EYS: variants seen among roughly 807,000 people sequenced by gnomAD.
The protein encoded by EYS is protein eyes shut homolog.
A neutral mutation model predicts 282.1 loss-of-function variants in EYS; 250 were observed. The observed-to-expected ratio is 0.89, with a 90% CI of 0.80 to 0.98. The LOEUF is 0.98. Among genes scored for constraint, EYS ranks in the 50% least tolerant of loss-of-function variants. EYS has a pLI of 0.00. For synonymous variants in EYS, 1,355 were observed against 1,282.9 expected (o/e 1.06, Z -1.20); for missense variants, 4,016 against 3,709.0 (o/e 1.08, Z -2.15).
At chr6:65,516,018 G>C (rs1767119207) in intron 2 of EYS, among the ~76,000 whole-genome samples, 1 of 150,808 alleles carries the variant, frequency 6.6e-6, no homozygotes, top group African/African-American at 2.4e-5. Flanking sequence ...ACATCCCCTA[G>C]GCACATATTA....
At chr6:65,026,644 A>G (rs1772417083) in intron 13 of EYS, among the ~76,000 whole-genome samples, 1 of 152,158 alleles carries the variant, frequency 6.6e-6, no homozygotes, top group South Asian at 2.1e-4. Flanking sequence ...TTGGCCGGGC[A>G]TGGTGGCTCT....
intron 10 of EYS, among the ~76,000 whole-genome samples, chr6:65,335,620 A>T (rs1215429242): frequency 2.0e-5 from 3 of 151,680 alleles, no homozygotes; most frequent in African/African-American, 7.3e-5. Context: ...TGCTTCAAAG[A>T]GAACATGGGA....
At chr6:64,891,152 A>C (rs1767279620) in intron 18 of EYS, among the ~76,000 whole-genome samples, 1 of 149,404 alleles carries the variant, frequency 6.7e-6, no homozygotes, top group African/African-American at 2.5e-5. Flanking sequence ...GGCATCTAAA[A>C]TTTCATAGAG....
intron 33 of EYS, among the ~76,000 whole-genome samples, chr6:64,027,494 T>C (rs1769583213): frequency 1.3e-5 from 2 of 152,082 alleles, no homozygotes; most frequent in Admixed American, 6.6e-5. Flanking sequence ...GCAACCTCGG[T>C]GTTCTATAAT....
intron 26 of EYS, among the ~76,000 whole-genome samples, chr6:64,579,565 G>C (rs562926004): frequency 6.6e-6 from 1 of 152,050 alleles, no homozygotes; most frequent in African/African-American, 2.4e-5. Flanking sequence ...GATGCCCACT[G>C]AGTATCTGTG....
At chr6:65,285,619 A>G (rs1220940038) in intron 12 of EYS, among the ~76,000 whole-genome samples, 1 of 152,018 alleles carries the variant, frequency 6.6e-6, no homozygotes, top group Non-Finnish European at 1.5e-5. Flanking sequence ...GGCTGTTTAT[A>G]TAATGTAGCT....
At chr6:65,642,465 C>T (rs1218451937) in intron 1 of EYS, among the ~76,000 whole-genome samples, 2 of 152,026 alleles carry the variant, frequency 1.3e-5, no homozygotes, top group Non-Finnish European at 2.9e-5. Flanking sequence ...AATTTGAATA[C>T]GTTAGATTAC....
chr6:65,441,520 A>C (rs1768327671), intron 5 of EYS, among the ~76,000 whole-genome samples: 2 of 152,066 alleles, frequency 1.3e-5, no homozygotes, highest in South Asian at 4.1e-4. Context: ...CTAAACAGTT[A>C]GGTCTTTCAG....
chr6:64,654,492 G>A (rs2149881090), intron 22 of EYS, among the ~76,000 whole-genome samples: 1 of 152,290 alleles, frequency 6.6e-6, no homozygotes, highest in East Asian at 1.9e-4. Context: ...GTGAGAAAAT[G>A]CCCTCTGAGG....
intron 12 of EYS, among the ~76,000 whole-genome samples, chr6:65,093,723 C>T (rs1401023787): frequency 6.6e-6 from 1 of 151,374 alleles, no homozygotes; most frequent in Admixed American, 6.6e-5. Context: ...GGACAAAATA[C>T]CTATAAAATA....
rs1769481765 is a variant in EYS, at chr6:64,672,057, T to C, written c.3444-45812A>G. Among the ~76,000 whole-genome samples the C allele has an allele frequency of 3.9e-5, 6 of 152,234 alleles. No individual in the cohort carries two copies. In the South Asian group the frequency reaches 1.2e-3, roughly 32 times the overall value. On this transcript the variant is annotated intron_variant, in intron 22 of 42. Transcript: ENST00000503581. ...GCATTTTATTACTGAATTATTCTGGTTTTAGATCATACCTAGATACCTTTA... is the reference window on the plus strand; with the variant it reads ...GCATTTTATTACTGAATTATTCTGGCTTTAGATCATACCTAGATACCTTTA...
chr6:65,310,404 G>T (rs1390762947), intron 11 of EYS, among the ~76,000 whole-genome samples: 3 of 151,958 alleles, frequency 2.0e-5, no homozygotes. Context: ...GTGGTGACCA[G>T]CTTCCAAGAT....
intron 13 of EYS, among the ~76,000 whole-genome samples, chr6:65,053,087 C>G (rs1773320103): frequency 6.6e-6 from 1 of 151,740 alleles, no homozygotes; most frequent in Admixed American, 6.6e-5. Flanking sequence ...GAAGTAATTA[C>G]ACCAAGATTT....
intron 26 of EYS, among the ~76,000 whole-genome samples, chr6:64,498,963 T>C (rs1206516967): frequency 6.6e-6 from 1 of 152,206 alleles, no homozygotes; most frequent in East Asian, 1.9e-4. Flanking sequence ...TTATAATCCT[T>C]TGGGTATATA....
At chr6:65,036,392 A>G (rs1772773059) in intron 13 of EYS, among the ~76,000 whole-genome samples, 1 of 152,010 alleles carries the variant, frequency 6.6e-6, no homozygotes, top group African/African-American at 2.4e-5. Flanking sequence ...AAAAAAAACT[A>G]GGAAATACCA....
intron 5 of EYS, among the ~76,000 whole-genome samples, chr6:65,409,253 C>T (rs938271607): frequency 2.0e-5 from 3 of 152,120 alleles, no homozygotes; most frequent in African/African-American, 7.2e-5. Context: ...TAGTCCCCAC[C>T]CTACTAAGAT....
intron 5 of EYS, among the ~76,000 whole-genome samples, chr6:65,453,416 A>T (rs756555219): frequency 2.0e-5 from 3 of 152,028 alleles, no homozygotes; most frequent in Admixed American, 6.6e-5. Flanking sequence ...GTAATTGTAC[A>T]TATTTATGAG....
At position 63,866,249 on chromosome 6, in the gene EYS, G is replaced by A. The variant is rs184705940; in HGVS notation, c.7056-1891C>T. Among the ~76,000 whole-genome samples, 60 of 152,212 alleles carry A rather than the reference G, an allele frequency of 3.9e-4. 1 individual carries two copies. The highest frequency in any genetic ancestry group is 1.3e-4 in the Non-Finnish European group (9 of 68,022). ...ATTTCTGGTGTGACCTAAAGTATAC[G>A]TTAGAAACTTAATGTTGTTTGGGGG... On this transcript the variant is annotated intron_variant, in intron 35 of 42. Coordinates refer to ENST00000503581, the MANE Select transcript of EYS (RefSeq NM_001142800.2).
chr6:64,426,832 C>A (rs1225212051), intron 28 of EYS, among the ~76,000 whole-genome samples: 1 of 152,124 alleles, frequency 6.6e-6, no homozygotes, highest in African/African-American at 2.4e-5. Context: ...TGGAAGTCTC[C>A]AGCTATGCTG....
Sources: gnomAD v4.1 joint callset for allele counts (sites outside exome capture counted in the v4.1 genomes callset) on GRCh38, gnomAD v4.1.1 for gene constraint, MANE v1.5 for transcripts, NCBI Gene and HGNC (gene_info 2026-07-23, HGNC 2026-07-21) for gene names.